Variants in NIPAL3 observed in about 807,000 individuals in gnomAD.
NIPAL3 encodes the protein NIPA-like protein 3.
Under a neutral mutation model 47.2 loss-of-function variants are expected in NIPAL3, and 41 were observed. That is an observed-to-expected ratio of 0.87 (90% CI 0.68 to 1.13). NIPAL3 has a LOEUF of 1.13. Among genes scored for constraint, NIPAL3 ranks in the 50% most tolerant of loss-of-function variants. NIPAL3 has a pLI of 0.00. For synonymous variants in NIPAL3, 194 were observed against 209.6 expected (o/e 0.93, Z 0.64); for missense variants, 449 against 530.1 (o/e 0.85, Z 1.50).
At chr1:24,435,482 T>G (rs1485040637) in intron 2 of NIPAL3, among the ~76,000 whole-genome samples, 1 of 152,214 alleles carries the variant, frequency 6.6e-6, no homozygotes, top group Non-Finnish European at 1.5e-5. Flanking sequence ...ATCTTCTTAG[T>G]GATTGTGCTG....
intron 8 of NIPAL3, 60 bp from the exon 9 acceptor site, chr1:24,458,828 C>T (rs1646340498): frequency 3.1e-6 from 4 of 1,308,992 alleles, no homozygotes; most frequent in Non-Finnish European, 4.4e-6. Flanking sequence ...CTACTGTTGT[C>T]AGCTCTTAGC....
At chr1:24,440,333 G>C in intron 3 of NIPAL3, 93 bp downstream of exon 3, 1 of 968,548 alleles carries the variant, frequency 1.0e-6, no homozygotes. Context: ...TCTCTGCAGG[G>C]CCTTGCCTAC....
Position 24,456,274 on chromosome 1 carries a change from G to T in NIPAL3, c.773+1G>T. 1 of 1,614,200 alleles carries T rather than the reference G, an allele frequency of 6.2e-7. No individual in the cohort carries two copies. On this transcript the variant is annotated splice_donor_variant, in intron 8 of 11. Coordinates refer to ENST00000374399, the MANE Select transcript of NIPAL3 (RefSeq NM_020448.5). LOFTEE classifies it high-confidence loss of function. ...TGGCAACCGCCGTCTATCAGGCTGC[G>T]TGAGTTACAAATCCTTTTCCTGCTG...
chr1:24,459,784 G>A (rs995081508), intron 9 of NIPAL3, among the ~76,000 whole-genome samples: 11 of 152,244 alleles, frequency 7.2e-5, no homozygotes, highest in African/African-American at 2.4e-4. Context: ...GGGTCAAGAA[G>A]CTTGGTCAAG....
chr1:24,415,514 G>A (rs1012706811), upstream of NIPAL3: 3 of 152,332 alleles, frequency 2.0e-5, no homozygotes, highest in African/African-American at 7.2e-5. Flanking sequence ...AACCACCTAA[G>A]CTCTCTGGGA....
chr1:24,460,363 TA>T (rs1646412748), intron 9 of NIPAL3, 117 bp from the exon 10 acceptor site: 1 of 783,094 alleles, frequency 1.3e-6, no homozygotes, highest in African/African-American at 1.8e-5. Context: ...GGCACAGTCA[TA>T]AGTTTTGATC....
At position 24,416,015 on chromosome 1, in the gene NIPAL3, C is replaced by A; in HGVS notation, c.-258+111C>A. 1 of 985,506 alleles carries A rather than the reference C, an allele frequency of 1.0e-6. No individual in the cohort carries two copies. 61.0% of individuals were successfully genotyped at this position (985,506 alleles called of 1,614,324 possible). On this transcript the variant is annotated intron_variant, in intron 1 of 11. Coordinates refer to ENST00000374399, the MANE Select transcript of NIPAL3 (RefSeq NM_020448.5). This position sits in a 1 kb window ranked among gnomAD's most constrained non-coding sequence, Gnocchi z 4.8. ...CTAGTGTACATACCCTTCCTTCTTA[C>A]TGTCACCAGCCTCGCCAACCTGGGT...
intron 11 of NIPAL3, 108 bp from the exon 12 acceptor site, chr1:24,468,878 T>G (rs2148870581): frequency 1.0e-6 from 1 of 979,882 alleles, no homozygotes; most frequent in Non-Finnish European, 1.6e-6. Context: ...ACAATGCACA[T>G]GATTAGCTGC....
chr1:24,455,006 T>C (rs956070259), intron 7 of NIPAL3, among the ~76,000 whole-genome samples: 1 of 152,214 alleles, frequency 6.6e-6, no homozygotes, highest in African/African-American at 2.4e-5. Context: ...GCCAATCCCC[T>C]TCTGACTAAG....
intron 6 of NIPAL3, among the ~76,000 whole-genome samples, chr1:24,453,153 C>T (rs766482959): frequency 2.6e-4 from 40 of 152,116 alleles, no homozygotes; most frequent in Non-Finnish European, 4.7e-4. Flanking sequence ...GATATGAGAG[C>T]AGCACGTCAC....
rs1278339892 is a variant in NIPAL3, at chr1:24,472,719, G to A, written c.*3534G>A. ...CGGTGCGGATACAGGACTCCATCAG[G>A]CTAGTGTTGGGGAACCAGCCCGGCA... On this transcript the variant is annotated 3_prime_UTR_variant, in exon 12 of 12. Transcript: ENST00000374399. The A allele has an allele frequency of 6.6e-6, 1 of 152,160 alleles. No homozygotes were observed. Among genetic ancestry groups the A allele is most frequent in the African/African-American group, 2.4e-5 (1 of 41,432 alleles). 9.4% of individuals were successfully genotyped at this position (152,160 alleles called of 1,614,324 possible). A position where few individuals can be genotyped will look rare whatever the true frequency, so the allele number is the denominator to read the frequency against.
At chr1:24,448,874 T>A (rs1645796894) in intron 5 of NIPAL3, among the ~76,000 whole-genome samples, 1 of 152,226 alleles carries the variant, frequency 6.6e-6, no homozygotes, top group East Asian at 1.9e-4. Context: ...AGCAACATTA[T>A]TTTTTATAAC....
intron 2 of NIPAL3, among the ~76,000 whole-genome samples, chr1:24,436,611 C>T (rs1241935761): frequency 1.3e-5 from 2 of 151,884 alleles, no homozygotes; most frequent in Admixed American, 1.3e-4. Flanking sequence ...GCCTCGGCCT[C>T]CTGAGTAGCT....
At chr1:24,466,285 A>ATATG in intron 11 of NIPAL3, 1 of 447,484 alleles carries the variant, frequency 2.2e-6, no homozygotes, top group Non-Finnish European at 4.0e-6. Context: ...GAATGGGAAG[A>ATATG]AAAGGGTTTT....
chr1:24,426,186 G>T (rs1386462002), intron 2 of NIPAL3, among the ~76,000 whole-genome samples: 6 of 152,144 alleles, frequency 3.9e-5, no homozygotes, highest in Non-Finnish European at 5.9e-5. Context: ...TCTTTCGCCA[G>T]TAACACTCCA....
intron 2 of NIPAL3, among the ~76,000 whole-genome samples, chr1:24,434,306 T>C (rs1401755462): frequency 6.6e-6 from 1 of 152,086 alleles, no homozygotes; most frequent in East Asian, 1.9e-4. Flanking sequence ...ATACTAATAT[T>C]AAACAAAATA....
At chr1:24,415,535 G>C (rs16829574), upstream of NIPAL3, 3,021 of 152,366 alleles carry the variant, frequency 0.02, 85 homozygotes, top group African/African-American at 0.065. Context: ...CAGCGGGAGA[G>C]GGGGCAGGGG....
At chr1:24,425,492 A>G (rs1644538716) in intron 2 of NIPAL3, among the ~76,000 whole-genome samples, 1 of 152,160 alleles carries the variant, frequency 6.6e-6, no homozygotes, top group East Asian at 1.9e-4. Context: ...GGGAAGATAC[A>G]TTTTCACAAG....
At chr1:24,439,253 G>T (rs370626798) in intron 2 of NIPAL3, among the ~76,000 whole-genome samples, 2 of 152,086 alleles carry the variant, frequency 1.3e-5, no homozygotes, top group East Asian at 1.9e-4. Context: ...GCAAAGCAAT[G>T]ATATAAAATA....
Sources: gnomAD v4.1 joint callset for allele counts (sites outside exome capture counted in the v4.1 genomes callset) on GRCh38, gnomAD v4.1.1 for gene constraint, Gnocchi (gnomAD v3.1) non-coding constraint, MANE v1.5 for transcripts, NCBI Gene and HGNC (gene_info 2026-07-23, HGNC 2026-07-21) for gene names.